The following TAFA1 variants were observed in gnomAD, a reference collection of about 807,000 sequenced individuals.
TAFA1 encodes TAFA chemokine like family member 1, also known as chemokine-like protein TAFA-1.
A neutral mutation model predicts 18.5 loss-of-function variants in TAFA1; 4 were observed. The ratio of observed to expected loss-of-function variants is 0.22; its 90% confidence interval spans 0.11 to 0.49. TAFA1 has a LOEUF of 0.49. Ranked by LOEUF, TAFA1 falls within the 20% of genes least tolerant of loss-of-function variation. TAFA1 has a pLI of 0.98. For synonymous variants in TAFA1, 56 were observed against 55.2 expected (o/e 1.01, Z -0.06); for missense variants, 147 against 169.0 (o/e 0.87, Z 0.72).
At chr3:68,397,277 C>A (rs189692077) in intron 2 of TAFA1, among the ~76,000 whole-genome samples, 171 of 152,200 alleles carry the variant, frequency 1.1e-3, no homozygotes, top group African/African-American at 3.9e-3. Flanking sequence ...GTCCCGCATG[C>A]GTTAGGTATT....
At chr3:68,424,162 C>T (rs538928628) in intron 3 of TAFA1, among the ~76,000 whole-genome samples, 2 of 152,140 alleles carry the variant, frequency 1.3e-5, no homozygotes, top group South Asian at 4.1e-4. Context: ...CGTAACAGAA[C>T]ATTTTGCTCC....
intron 2 of TAFA1, among the ~76,000 whole-genome samples, chr3:68,187,911 A>T (rs1482190568): frequency 6.6e-6 from 1 of 151,972 alleles, no homozygotes; most frequent in East Asian, 1.9e-4. Flanking sequence ...TTAATTACTA[A>T]TGAAGTTGAG....
At chr3:68,381,409 A>G (rs1391321439) in intron 2 of TAFA1, among the ~76,000 whole-genome samples, 1 of 151,916 alleles carries the variant, frequency 6.6e-6, no homozygotes, top group East Asian at 1.9e-4. Flanking sequence ...TGAGCATGGA[A>G]TGTTCTTCCA....
intron 2 of TAFA1, among the ~76,000 whole-genome samples, chr3:68,388,569 A>G (rs866011424): frequency 6.6e-6 from 1 of 151,366 alleles, no homozygotes; most frequent in African/African-American, 2.4e-5. Flanking sequence ...CGTTTTTTTT[A>G]TCTAACCACC....
At chr3:68,159,404 C>T (rs1041178113) in intron 2 of TAFA1, among the ~76,000 whole-genome samples, 2 of 152,092 alleles carry the variant, frequency 1.3e-5, no homozygotes, top group African/African-American at 4.8e-5. Context: ...CTTTGAGAGG[C>T]AAAACATGCC....
intron 2 of TAFA1, among the ~76,000 whole-genome samples, chr3:68,332,473 C>G (rs2068897759): frequency 1.3e-5 from 2 of 152,066 alleles, no homozygotes; most frequent in Non-Finnish European, 2.9e-5. Context: ...AAATGAAAGG[C>G]AACCTGAAGA....
At chr3:68,263,882 T>C (rs755242767) in intron 2 of TAFA1, among the ~76,000 whole-genome samples, 9 of 152,224 alleles carry the variant, frequency 5.9e-5, no homozygotes, top group Non-Finnish European at 8.8e-5. Flanking sequence ...AAATTATTCA[T>C]TTACTTTAAT....
intron 3 of TAFA1, among the ~76,000 whole-genome samples, chr3:68,457,481 A>G (rs1322511371): frequency 6.6e-6 from 1 of 152,166 alleles, no homozygotes; most frequent in Non-Finnish European, 1.5e-5. Flanking sequence ...TTTTGAATAC[A>G]TTTATTTTTA....
intron 2 of TAFA1, among the ~76,000 whole-genome samples, chr3:68,357,095 T>C (rs1216976740): frequency 2.0e-5 from 3 of 151,978 alleles, no homozygotes; most frequent in Non-Finnish European, 4.4e-5. Context: ...CCAATCACAC[T>C]GTAAACTCTT....
intron 3 of TAFA1, among the ~76,000 whole-genome samples, chr3:68,478,087 A>T (rs1311574318): frequency 1.3e-5 from 2 of 152,228 alleles, no homozygotes; most frequent in Non-Finnish European, 2.9e-5. Context: ...ATCAAGACTG[A>T]AGTTGGTCCT....
intron 2 of TAFA1, among the ~76,000 whole-genome samples, chr3:68,096,160 T>C (rs190726769): frequency 4.6e-5 from 7 of 152,236 alleles, no homozygotes; most frequent in Non-Finnish European, 7.4e-5. Flanking sequence ...AGCTCTCACA[T>C]ATGAGTGAGA....
intron 2 of TAFA1, among the ~76,000 whole-genome samples, chr3:68,082,155 C>T (rs1006361838): frequency 1.3e-5 from 2 of 151,368 alleles, no homozygotes; most frequent in African/African-American, 4.9e-5. Context: ...TGAGGCAGTG[C>T]CTCACCCTGC....
chr3:68,397,474 C>T (rs1018050060), intron 2 of TAFA1, among the ~76,000 whole-genome samples: 1 of 152,164 alleles, frequency 6.6e-6, no homozygotes, highest in African/African-American at 2.4e-5. Context: ...ATCCATGTCC[C>T]TGCAAAGGAC....
intron 2 of TAFA1, among the ~76,000 whole-genome samples, chr3:68,034,302 T>C (rs1704999953): frequency 6.6e-6 from 1 of 152,188 alleles, no homozygotes; most frequent in South Asian, 2.1e-4. Flanking sequence ...ACAGCTAACA[T>C]GAGACACTTA....
At chr3:68,127,580 A>AAT (rs2065478957) in intron 2 of TAFA1, among the ~76,000 whole-genome samples, 2 of 2,062 alleles carry the variant, frequency 9.7e-4, no homozygotes, top group East Asian at 0.019. Context: ...TAGTGGTGGT[A>AAT]GTGATGGTAG....
intron 3 of TAFA1, among the ~76,000 whole-genome samples, chr3:68,497,524 G>A (rs2072568804): frequency 6.6e-6 from 1 of 152,126 alleles, no homozygotes; most frequent in South Asian, 2.1e-4. Context: ...TGGGAGGGTG[G>A]AAGGGTGGGA....
At chr3:68,110,992 C>A (rs1037598402) in intron 2 of TAFA1, among the ~76,000 whole-genome samples, 1 of 152,090 alleles carries the variant, frequency 6.6e-6, no homozygotes, top group Admixed American at 6.6e-5. Flanking sequence ...TGTTTGAATG[C>A]CCCCCTCCTC....
intron 2 of TAFA1, among the ~76,000 whole-genome samples, chr3:68,268,161 G>A (rs1458662565): frequency 6.6e-6 from 1 of 152,020 alleles, no homozygotes; most frequent in Non-Finnish European, 1.5e-5. Context: ...AAAGTTCTAA[G>A]GTATTTGACT....
chr3:68,401,772 C>T (rs1451525014), intron 2 of TAFA1, among the ~76,000 whole-genome samples: 1 of 152,144 alleles, frequency 6.6e-6, no homozygotes, highest in East Asian at 1.9e-4. Context: ...CAGTCTTGTG[C>T]CCTCTCTTGG....
Sources: gnomAD v4.1 joint callset for allele counts (sites outside exome capture counted in the v4.1 genomes callset) on GRCh38, gnomAD v4.1.1 for gene constraint, MANE v1.5 for transcripts, NCBI Gene and HGNC (gene_info 2026-07-23, HGNC 2026-07-21) for gene names.